CDH18: variants seen among roughly 807,000 people sequenced by gnomAD.
CDH18 encodes cadherin-18.
Under a neutral mutation model 67.9 loss-of-function variants are expected in CDH18, and 31 were observed. The ratio of observed to expected loss-of-function variants is 0.46; its 90% CI spans 0.34 to 0.62. CDH18 has a LOEUF of 0.62. CDH18 is among the 20% of genes least tolerant of loss of function. The pLI, the probability that CDH18 is intolerant of heterozygous loss-of-function variation, is 0.01. For synonymous variants in CDH18, 362 were observed against 347.2 expected, an observed-to-expected ratio of 1.04 and a Z score of -0.48; for missense variants, 890 against 975.5, an observed-to-expected ratio of 0.91 and a Z score of 1.17.
At chr5:20,165,420 C>A (rs1736209052) in intron 2 of CDH18, among the ~76,000 whole-genome samples, 1 of 152,028 alleles carries the variant, frequency 6.6e-6, no homozygotes, top group African/African-American at 2.4e-5. Flanking sequence ...TACTAACAAT[C>A]ATGACTTAGC....
At position 19,675,373 on chromosome 5, in the gene CDH18, G is replaced by C. The variant is rs573272113; in HGVS notation, c.643+45974C>G. On this transcript the variant is annotated intron_variant, in intron 5 of 12. Transcript: ENST00000382275. Reference sequence around the variant, plus strand: ...TCCTAGTCCTAATAAGCCTGGGAGCGCTACTGGAGACCGGGGCTTATTTCA... The same window carrying C: ...TCCTAGTCCTAATAAGCCTGGGAGCCCTACTGGAGACCGGGGCTTATTTCA... Among the ~76,000 whole-genome samples, 203 of 152,080 alleles carry C rather than the reference G, an allele frequency of 1.3e-3. 1 individual carries two copies. Among genetic ancestry groups the C allele is most frequent in the African/African-American group, 4.8e-3 (198 of 41,484 alleles).
intron 1 of CDH18, among the ~76,000 whole-genome samples, chr5:20,507,028 G>C (rs1249395075): frequency 6.6e-6 from 1 of 152,134 alleles, no homozygotes; most frequent in Non-Finnish European, 1.5e-5. Flanking sequence ...GTGGCTTTGT[G>C]ATGTGTCCCA....
intron 1 of CDH18, among the ~76,000 whole-genome samples, chr5:20,300,737 T>C (rs1747912852): frequency 6.6e-6 from 1 of 152,180 alleles, no homozygotes; most frequent in South Asian, 2.1e-4. Context: ...CCTTGCTAAA[T>C]TGATATTACT....
intron 1 of CDH18, among the ~76,000 whole-genome samples, chr5:20,390,560 C>A (rs1014197905): frequency 1.2e-4 from 18 of 152,214 alleles, no homozygotes; most frequent in African/African-American, 4.3e-4. Context: ...CTAGTTCAAT[C>A]ATGTGTAAGA....
chr5:19,735,703 A>G (rs1489607171), intron 4 of CDH18, among the ~76,000 whole-genome samples: 1 of 152,134 alleles, frequency 6.6e-6, no homozygotes, highest in African/African-American at 2.4e-5. Flanking sequence ...CCGATACTGG[A>G]TATTTTAAGT....
intron 1 of CDH18, among the ~76,000 whole-genome samples, chr5:20,571,397 ATATTT>A (rs1471407603): frequency 6.6e-6 from 1 of 152,106 alleles, no homozygotes; most frequent in East Asian, 1.9e-4. Flanking sequence ...AGTCCTTAAC[ATATTT>A]TATTTATGGT....
intron 6 of CDH18, among the ~76,000 whole-genome samples, chr5:19,592,552 A>G (rs1424568111): frequency 6.6e-6 from 1 of 152,136 alleles, no homozygotes; most frequent in African/African-American, 2.4e-5. Flanking sequence ...TATATAGATA[A>G]GTGAATGCAC....
chr5:20,086,779 T>C (rs1316856577), intron 2 of CDH18, among the ~76,000 whole-genome samples: 2 of 152,182 alleles, frequency 1.3e-5, no homozygotes, highest in African/African-American at 4.8e-5. Context: ...TCTTTCTAAA[T>C]ACTAATGCTC....
intron 6 of CDH18, among the ~76,000 whole-genome samples, chr5:19,599,155 T>G (rs1746658928): frequency 6.6e-6 from 1 of 152,100 alleles, no homozygotes; most frequent in African/African-American, 2.4e-5. Context: ...CATATATGTG[T>G]GTGTATATAT....
chr5:19,530,068 C>A (rs1748350560), intron 9 of CDH18, among the ~76,000 whole-genome samples: 1 of 152,232 alleles, frequency 6.6e-6, no homozygotes, highest in Admixed American at 6.5e-5. Context: ...GCAATCATAG[C>A]ACCGTAGTAT....
At chr5:19,548,248 G>T (rs1580140771) in intron 8 of CDH18, among the ~76,000 whole-genome samples, 1 of 151,472 alleles carries the variant, frequency 6.6e-6, no homozygotes, top group East Asian at 1.9e-4. Context: ...TTGCCTAGGT[G>T]ACATAGGTCC....
chr5:20,176,809 G>A (rs111593403), intron 2 of CDH18, among the ~76,000 whole-genome samples: 2,648 of 152,130 alleles, frequency 0.017, 37 homozygotes, highest in Middle Eastern at 0.061. Context: ...AGTTTAGAAG[G>A]ACCCTATCTC....
At chr5:20,451,829 A>G (rs550986116) in intron 1 of CDH18, among the ~76,000 whole-genome samples, 1 of 152,320 alleles carries the variant, frequency 6.6e-6, no homozygotes, top group African/African-American at 2.4e-5. Flanking sequence ...TATTTGCAAT[A>G]TAAGTTTAAC....
rs188511687 is a variant in CDH18, at chr5:20,105,177, G to A, written c.-517-113163C>T. On this transcript the variant is annotated intron_variant, in intron 2 of 14. Transcript: ENST00000507958. ...TAATTTTGTATTTTTAGTAGAGACC[G>A]GGTTTCACCATGTTGGTCAGTCTGC... Among the ~76,000 whole-genome samples, 335 of 151,966 alleles carry A rather than the reference G, an allele frequency of 2.2e-3. 1 individual carries two copies. The highest frequency in any genetic ancestry group is 7.5e-3 in the African/African-American group (310 of 41,440).
chr5:20,375,776 T>C (rs931502926), intron 1 of CDH18, among the ~76,000 whole-genome samples: 4 of 152,140 alleles, frequency 2.6e-5, no homozygotes, highest in African/African-American at 7.2e-5. Flanking sequence ...TGTGTCTAGA[T>C]GATTTAAGGT....
intron 3 of CDH18, among the ~76,000 whole-genome samples, chr5:19,799,478 T>C (rs572838551): frequency 3.1e-4 from 46 of 149,104 alleles, no homozygotes; most frequent in Non-Finnish European, 4.6e-4. Flanking sequence ...ACACACCACA[T>C]ACATAAGGAA....
intron 2 of CDH18, among the ~76,000 whole-genome samples, chr5:20,059,976 G>C (rs958779842): frequency 6.6e-6 from 1 of 151,870 alleles, no homozygotes; most frequent in Non-Finnish European, 1.5e-5. Context: ...GGCTTGTCGG[G>C]GGCTGGGGGG....
chr5:19,718,687 G>C (rs1765636117), intron 5 of CDH18, among the ~76,000 whole-genome samples: 1 of 151,846 alleles, frequency 6.6e-6, no homozygotes, highest in South Asian at 2.1e-4. Flanking sequence ...TAATGACCTA[G>C]TAGGACAGAT....
chr5:20,377,322 T>C (rs1743539270), intron 1 of CDH18, among the ~76,000 whole-genome samples: 1 of 152,216 alleles, frequency 6.6e-6, no homozygotes, highest in Non-Finnish European at 1.5e-5. Flanking sequence ...CAAACTAACA[T>C]ATTTGAGTAT....
Sources: allele counts gnomAD v4.1 joint callset (sites outside exome capture counted in the v4.1 genomes callset), GRCh38; gene constraint gnomAD v4.1.1; transcripts MANE v1.5; gene names NCBI Gene and HGNC (gene_info 2026-07-23, HGNC 2026-07-21).